The following DGKD variants were observed in gnomAD, a reference collection of about 807,000 sequenced individuals.
DGKD encodes DAG kinase delta.
DGKD carries 68 observed loss-of-function variants against 154.4 expected under a neutral mutation model. That is an observed-to-expected ratio of 0.44 (90% CI 0.36 to 0.54). The LOEUF is 0.54. Among genes scored for constraint, DGKD ranks in the 20% least tolerant of loss-of-function variants. The pLI, the probability that DGKD is intolerant of heterozygous loss-of-function variation, is 0.00. For synonymous variants in DGKD, 693 were observed against 638.0 expected (o/e 1.09, Z -1.30); for missense variants, 1,343 against 1,593.6 (o/e 0.84, Z 2.68).
rs1459501683 is a variant in DGKD, at chr2:233,462,429, C to G, written c.3063C>G (p.Asp1021Glu). The G allele has an allele frequency of 1.9e-6, 3 of 1,602,358 alleles. No individual in the cohort carries two copies. The highest frequency in any genetic ancestry group is 1.7e-6 in the Non-Finnish European group (2 of 1,170,954). Residue 1021 changes from aspartate to glutamate, a missense_variant, in exon 25 of 30, where the codon GAC (aspartate) becomes GAG (glutamate). Coordinates refer to ENST00000264057, the MANE Select transcript of DGKD (RefSeq NM_152879.3). Reference protein sequence around the residue: ...HAVNASSKSMDRVYGKPRTTE... With the variant: ...HAVNASSKSMERVYGKPRTTE... ...TCAATGCCAGCTCCAAGTCCATGGA[C>G]CGTGTGTATGGCAAGCCCAGAACCA...
chr2:233,447,199 G>A (rs573149047), intron 12 of DGKD, among the ~76,000 whole-genome samples: 147 of 142,776 alleles, frequency 1.0e-3, no homozygotes, highest in African/African-American at 3.6e-3. Context: ...CTAGCCCCCC[G>A]GCTCCTGCCC....
chr2:233,414,928 G>A (rs182327025), intron 3 of DGKD, among the ~76,000 whole-genome samples: 34 of 152,262 alleles, frequency 2.2e-4, no homozygotes, highest in Admixed American at 3.9e-4. Context: ...GAGGGAGTTG[G>A]TAAGGGGCTG....
rs538029096 is a variant in DGKD at position 233,441,982 on chromosome 2, A to G, written c.1181A>G (p.Asn394Ser). 6.8e-6 allele frequency: 11 copies of G among 1,614,140 alleles called. No individual in the cohort carries two copies. The highest frequency in any genetic ancestry group is 6.7e-5 in the African/African-American group (5 of 75,048). ...GTCCTCTCCGAAATCGACAGCCTCA[A>G]CCTTCATAAACAGGTACCAGGACAG... is the stretch of plus-strand genomic sequence containing the variant. ...GWVLSEIDSL[N>S]LHKQCQLGVL... The change falls in exon 10 of 30, where the codon AAC (asparagine) becomes AGC (serine). Residue 394 changes from asparagine to serine, a missense_variant. Around this residue, in one of 6 missense-constraint regions of DGKD, gnomAD observed 56 missense variants for 111.1 expected, o/e 0.50. Coordinates refer to ENST00000264057, the MANE Select transcript of DGKD (RefSeq NM_152879.3). The surrounding 1 kb of genome is among the most constrained non-coding windows in gnomAD (Gnocchi z 5.6).
chr2:233,380,168 G>A (rs1702812129), intron 1 of DGKD, among the ~76,000 whole-genome samples: 2 of 152,204 alleles, frequency 1.3e-5, no homozygotes, highest in Non-Finnish European at 2.9e-5. Flanking sequence ...GAGGAAAAGA[G>A]TTGAGCACCT....
intron 1 of DGKD, among the ~76,000 whole-genome samples, chr2:233,358,814 G>A (rs1701641591): frequency 6.6e-6 from 1 of 152,090 alleles, no homozygotes; most frequent in South Asian, 2.1e-4. Context: ...TGGACATTTG[G>A]GTTATTTCTA....
intron 1 of DGKD, among the ~76,000 whole-genome samples, chr2:233,365,295 ATC>A (rs1271648641): frequency 6.6e-6 from 1 of 151,834 alleles, no homozygotes; most frequent in Non-Finnish European, 1.5e-5. Flanking sequence ...TAATGGTGCA[ATC>A]TCTGCTCACT....
intron 12 of DGKD, 150 bp from the exon 13 acceptor site, chr2:233,447,937 G>A (rs2063140874): frequency 1.4e-6 from 2 of 1,477,978 alleles, no homozygotes; most frequent in Non-Finnish European, 1.8e-6. Flanking sequence ...GAAGTGAGTT[G>A]AGGCTTGGCT....
chr2:233,393,443 TCTC>T (rs1283728908), intron 3 of DGKD, among the ~76,000 whole-genome samples: 30 of 150,802 alleles, frequency 2.0e-4, no homozygotes, highest in South Asian at 4.2e-4. Flanking sequence ...TTAAAGTGAT[TCTC>T]CTGCTTCAGC....
chr2:233,454,218 A>G (rs2063381767), intron 18 of DGKD: 2 of 355,568 alleles, frequency 5.6e-6, no homozygotes, highest in Non-Finnish European at 1.1e-5. Flanking sequence ...AAAACGTGGA[A>G]CATCCCAGTG....
At chr2:233,366,990 A>G (rs1702060175) in intron 1 of DGKD, among the ~76,000 whole-genome samples, 1 of 152,116 alleles carries the variant, frequency 6.6e-6, no homozygotes, top group African/African-American at 2.4e-5. Context: ...ACCTGAAAAA[A>G]CTTTTTAACA....
intron 3 of DGKD, among the ~76,000 whole-genome samples, chr2:233,404,885 TAGA>T (rs2061646036): frequency 6.6e-6 from 1 of 151,836 alleles, no homozygotes; most frequent in Admixed American, 6.6e-5. Flanking sequence ...TGGAAGGTGG[TAGA>T]AGAAGAGTTG....
chr2:233,446,908 G>GT, intron 12 of DGKD, 112 bp downstream of exon 12: 1 of 1,285,754 alleles, frequency 7.8e-7, no homozygotes, highest in Non-Finnish European at 1.1e-6. Flanking sequence ...TGGTGTTGGG[G>GT]TGTCACAGTC....
In DGKD at chr2:233,390,488, G is replaced by T; in HGVS notation, c.348+5G>T. ...AACGTCAACAACAGTTTTACGGTAA[G>T]ATTCCTCAGTCATGCCTTTCTTGAT... On this transcript the variant is annotated splice_donor_5th_base_variant and intron_variant, in intron 3 of 29. Transcript: ENST00000264057. 1 of 1,612,298 alleles carries T rather than the reference G, an allele frequency of 6.2e-7. No individual in the cohort carries two copies. The highest frequency in any genetic ancestry group is 1.1e-5 in the South Asian group (1 of 91,022).
At position 233,467,236 on chromosome 2, in the gene DGKD, C is replaced by A. The variant is rs200992990; in HGVS notation, c.3424+33C>A. 12 of 1,472,072 alleles carry A rather than the reference C, an allele frequency of 8.2e-6. 1 individual carries two copies. In the East Asian group the frequency reaches 2.5e-4, roughly 31 times the overall value. The allele number at this position is 1,472,072 out of a possible 1,614,324, so 91.2% of individuals were successfully genotyped here. A position where few individuals can be genotyped will look rare whatever the true frequency, so the allele number is the denominator to read the frequency against. On this transcript the variant is annotated intron_variant, in intron 28 of 29. Coordinates refer to ENST00000264057, the MANE Select transcript of DGKD (RefSeq NM_152879.3). ...CCTCTCTCCCGCGTGTGTTTCTGGC[C>A]GTCCACGCCTGCTGGATCGGCCCCG... is the stretch of plus-strand genomic sequence containing the variant.
At chr2:233,370,720 AATT>A (rs1340978227) in intron 1 of DGKD, among the ~76,000 whole-genome samples, 2 of 151,772 alleles carry the variant, frequency 1.3e-5, no homozygotes, top group Non-Finnish European at 1.5e-5. Flanking sequence ...TTCATGTACA[AATT>A]ATTATTTAAA....
At chr2:233,380,602 T>C (rs1023498113) in intron 1 of DGKD, among the ~76,000 whole-genome samples, 9 of 152,056 alleles carry the variant, frequency 5.9e-5, no homozygotes, top group African/African-American at 1.9e-4. Flanking sequence ...AGCCCTATGA[T>C]GAAAGGTCCC....
intron 19 of DGKD, among the ~76,000 whole-genome samples, chr2:233,455,705 A>C (rs2063439085): frequency 6.6e-6 from 1 of 152,254 alleles, no homozygotes; most frequent in African/African-American, 2.4e-5. Flanking sequence ...GAACCAAGCC[A>C]CGTGGCCCCC....
At chr2:233,404,753 G>A (rs542574935) in intron 3 of DGKD, among the ~76,000 whole-genome samples, 4 of 152,148 alleles carry the variant, frequency 2.6e-5, no homozygotes, top group African/African-American at 9.6e-5. Context: ...GGGGACTCTG[G>A]CTTATATGGC....
At position 233,440,140 on chromosome 2, in the gene DGKD, G is replaced by T. The variant is rs895421647; in HGVS notation, c.1086-1747G>T. ...GGATGATTTAGGAAGCCCCCACAGC[G>T]GCGTAAGGGGAGTTGAGTCGTCATT... is the stretch of plus-strand genomic sequence containing the variant. On this transcript the variant is annotated intron_variant, in intron 9 of 29. Transcript: ENST00000264057. This position sits in a 1 kb window ranked among gnomAD's most constrained non-coding sequence, Gnocchi z 4.9. 1.3e-5 allele frequency among the ~76,000 whole-genome samples: 2 copies of T among 152,138 alleles called. No individual in the cohort carries two copies. Among genetic ancestry groups the T allele is most frequent in the Non-Finnish European group, 2.9e-5 (2 of 68,028 alleles).
Sources: allele counts gnomAD v4.1 joint callset (sites outside exome capture counted in the v4.1 genomes callset), GRCh38; gene constraint gnomAD v4.1.1; regional missense constraint gnomAD v4.1.1; non-coding constraint Gnocchi (gnomAD v3.1); transcripts MANE v1.5; gene names NCBI Gene and HGNC (gene_info 2026-07-23, HGNC 2026-07-21).